Variants in LSR observed in about 807,000 individuals in gnomAD.
LSR encodes lipolysis-stimulated lipoprotein receptor.
In LSR, 44 loss-of-function variants were observed where a neutral mutation model predicts 61.8. The observed-to-expected ratio is 0.71, with a 90% CI of 0.56 to 0.91. The LOEUF is 0.91. LSR is among the 40% of genes least tolerant of loss of function. The pLI is 0.00. For missense variants in LSR, 911 were observed against 830.5 expected (o/e 1.10, Z -1.19); for synonymous variants, 397 against 350.6 (o/e 1.13, Z -1.48).
chr19:35,249,043 G>T lies in LSR; in HGVS notation c.21G>T (p.Gly7=). 6.3e-7 allele frequency: 1 copy of T among 1,590,678 alleles called. No individual in the cohort carries two copies. The highest frequency in any genetic ancestry group is 8.6e-7 in the Non-Finnish European group (1 of 1,169,368). Residue 7 remains glycine (G), a synonymous_variant, in exon 1 of 10, where the codon GGG becomes GGT. Transcript: ENST00000605618. ...CCGCGATGGCGCTGTTGGCCGGCGG[G>T]CTCTCCAGAGGGCTGGGCTCCCACC... MALLAG[G]LSRGLGSHPA...
intron 2 of LSR, 95 bp from the exon 3 acceptor site, chr19:35,258,850 C>A: frequency 6.6e-7 from 1 of 1,513,076 alleles, no homozygotes; most frequent in Non-Finnish European, 9.1e-7. Context: ...CACTGCTTGC[C>A]CCCTCCTGGG....
chr19:35,254,739 G>A (rs2065836389), intron 2 of LSR, among the ~76,000 whole-genome samples: 1 of 152,198 alleles, frequency 6.6e-6, no homozygotes, highest in Non-Finnish European at 1.5e-5. Context: ...AACAATGAAA[G>A]CAGTGCTCAG....
intron 2 of LSR, 109 bp downstream of exon 2, chr19:35,250,768 C>T: frequency 7.0e-6 from 5 of 718,238 alleles, no homozygotes; most frequent in Non-Finnish European, 6.5e-6. Flanking sequence ...GTGCCAGTGT[C>T]TGAAAGGACC....
intron 5 of LSR, 136 bp downstream of exon 5, chr19:35,262,828 C>A: frequency 2.0e-6 from 2 of 999,950 alleles, no homozygotes; most frequent in Non-Finnish European, 2.9e-6. Flanking sequence ...AGAAAGTAGG[C>A]TGAGGAGGGT....
rs375892450 is a variant in LSR, at chr19:35,266,901, A to G, written c.1078A>G (p.Met360Val). 4 of 1,613,690 alleles carry G rather than the reference A, an allele frequency of 2.5e-6. No homozygotes were observed. Among genetic ancestry groups the G allele is most frequent in the African/African-American group, 2.7e-5 (2 of 75,044 alleles). The change falls in exon 8 of 10, where the codon ATG (methionine) becomes GTG (valine). Residue 360 changes from methionine (M) to valine (V), a missense_variant. By Grantham distance (21) the Met-to-Val change is conservative. Coordinates refer to ENST00000605618, the MANE Select transcript of LSR (RefSeq NM_205834.4). Reference protein sequence around the residue: ...QDDSMRVLYYMEKELANFDPS... With the variant: ...QDDSMRVLYYVEKELANFDPS... Reference sequence around the variant, plus strand: ...CGACTCCATGCGGGTCCTGTACTACATGGAGAAGGAGCTGGCCAACTTCGA... The same window carrying G: ...CGACTCCATGCGGGTCCTGTACTACGTGGAGAAGGAGCTGGCCAACTTCGA...
chr19:35,256,983 C>G (rs1415349430), intron 2 of LSR, among the ~76,000 whole-genome samples: 1 of 151,992 alleles, frequency 6.6e-6, no homozygotes. Context: ...ACTACAGGTG[C>G]GTGCCACCAT....
At position 35,261,941 on chromosome 19, in the gene LSR, G is replaced by A. The variant is rs1435280333; in HGVS notation, c.591G>A (p.Val197=). 3 of 1,489,298 alleles carry A rather than the reference G, an allele frequency of 2.0e-6. No homozygotes were observed. In the African/African-American group the frequency reaches 4.4e-5, roughly 22 times the overall value. 92.3% of individuals were successfully genotyped at this position (1,489,298 alleles called of 1,614,324 possible). The change falls in exon 4 of 10, where the codon GTG becomes GTA. Residue 197 remains valine (V), a synonymous_variant. Transcript: ENST00000605618. ...ELIVLGRTSG[V]AELLPGFQAG... The stretch of plus-strand genomic sequence containing the variant: ...TCCCTCCAGGGAGGACCTCAGGGGT[G>A]GCTGAGCTCTTACCTGGTTTTCAGG...
rs66534837 is a variant in LSR at position 35,260,291 on chromosome 19, C to CTTTTTT, written c.574+1240_574+1245dup. ...TAGGAATTAAAATGGGGAGATTTTCCTTTTTTTTTTTTTTTTTTGAGATGG... is the reference window on the plus strand; with the variant it reads ...TAGGAATTAAAATGGGGAGATTTTCCTTTTTTTTTTTTTTTTTTTTTTTTGAGATGG... On this transcript the variant is annotated intron_variant, in intron 3 of 9. Coordinates refer to ENST00000605618, the MANE Select transcript of LSR (RefSeq NM_205834.4). 9.6e-5 allele frequency among the ~76,000 whole-genome samples: 11 copies of CTTTTTT among 114,002 alleles called. 1 individual carries two copies. Among genetic ancestry groups the CTTTTTT allele is most frequent in the African/African-American group, 1.3e-4 (4 of 29,988 alleles). 74.8% of individuals were successfully genotyped at this position (114,002 alleles called of 152,430 possible).
intron 2 of LSR, among the ~76,000 whole-genome samples, chr19:35,255,999 C>T (rs1191700083): frequency 6.6e-6 from 1 of 152,060 alleles, no homozygotes; most frequent in Non-Finnish European, 1.5e-5. Flanking sequence ...TTGGGAGGCC[C>T]AGGCGGGCAG....
intron 3 of LSR, among the ~76,000 whole-genome samples, chr19:35,260,939 A>C (rs2145524729): frequency 6.6e-6 from 1 of 152,354 alleles, no homozygotes; most frequent in Middle Eastern, 3.4e-3. Flanking sequence ...AGAACAAGTG[A>C]AAAAGGCAAA....
At chr19:35,256,721 TGAATGAATGAAA>T (rs780161812) in intron 2 of LSR, among the ~76,000 whole-genome samples, 338 of 126,272 alleles carry the variant, frequency 2.7e-3, no homozygotes, top group Non-Finnish European at 3.5e-3. Flanking sequence ...AATGAATGAA[TGAATGAATGAAA>T]GAAAGAAAGA....
chr19:35,254,931 G>C (rs2065839160), intron 2 of LSR, among the ~76,000 whole-genome samples: 1 of 152,314 alleles, frequency 6.6e-6, no homozygotes, highest in Middle Eastern at 3.4e-3. Context: ...CAAGATGCCA[G>C]ATTTCAACCC....
At chr19:35,262,113 T>G in intron 4 of LSR, 132 bp downstream of exon 4, 2 of 866,586 alleles carry the variant, frequency 2.3e-6, no homozygotes, top group South Asian at 3.5e-5. Flanking sequence ...CTGGCCTGAC[T>G]GTGGCTCTGA....
chr19:35,266,814 A>C (rs1028433558), intron 7 of LSR, 22 bp from the exon 8 acceptor site: 2 of 1,606,684 alleles, frequency 1.2e-6, no homozygotes, highest in Non-Finnish European at 1.7e-6. Context: ...TCCCAAACCG[A>C]CCACCACCCC....
At position 35,267,903 on chromosome 19, in the gene LSR, G is replaced by T; in HGVS notation, c.*44G>T. 1 of 1,599,342 alleles carries T rather than the reference G, an allele frequency of 6.3e-7. No individual in the cohort carries two copies. The highest frequency in any genetic ancestry group is 8.6e-7 in the Non-Finnish European group (1 of 1,167,958). Reference sequence around the variant, plus strand: ...GCTTTTGTATTTTTTTTTTTAATTTGAAGGAACACTGATGAAGCCCTGCCA... The same window carrying T: ...GCTTTTGTATTTTTTTTTTTAATTTTAAGGAACACTGATGAAGCCCTGCCA... On this transcript the variant is annotated 3_prime_UTR_variant, in exon 10 of 10. Transcript: ENST00000605618.
Position 35,262,647 on chromosome 19 carries a change from G to A in LSR, c.733G>A (p.Val245Ile), listed in dbSNP as rs540686530. 58 of 1,614,134 alleles carry A rather than the reference G, an allele frequency of 3.6e-5. No individual in the cohort carries two copies. Among genetic ancestry groups the A allele is most frequent in the Admixed American group, 2.3e-4 (14 of 60,020 alleles). The stretch of plus-strand genomic sequence containing the variant: ...CTGCCCGCACACTTGCTGCTGCTAC[G>A]TCAGGTGCCCCTGCTGCCCAGACAA... ...QCCPHTCCCY[V>I]RCPCCPDKCC... Residue 245 changes from valine to isoleucine, a missense_variant, in exon 5 of 10, where the codon GTC (valine) becomes ATC (isoleucine). Transcript: ENST00000605618.
At chr19:35,259,815 A>G (rs893878089) in intron 3 of LSR, among the ~76,000 whole-genome samples, 2 of 152,220 alleles carry the variant, frequency 1.3e-5, no homozygotes, top group African/African-American at 4.8e-5. Flanking sequence ...CATGGCACAC[A>G]CACTGTGTAA....
rs530109481 is a variant in LSR at position 35,253,935 on chromosome 19, A to G, written c.454+3276A>G. ...GGCCTCACAGGCCTGGGTCTTTCAA[A>G]CCACCCCCACCTGGGCCTGTGTTTG... On this transcript the variant is annotated intron_variant, in intron 2 of 9. Coordinates refer to ENST00000605618, the MANE Select transcript of LSR (RefSeq NM_205834.4). Among the ~76,000 whole-genome samples, 7 of 151,994 alleles carry G rather than the reference A, an allele frequency of 4.6e-5. No homozygotes were observed. In the South Asian group the frequency reaches 1.2e-3, roughly 27 times the overall value.
chr19:35,256,844 C>CT (rs979287485), intron 2 of LSR, among the ~76,000 whole-genome samples: 154 of 147,732 alleles, frequency 1.0e-3, no homozygotes, highest in African/African-American at 1.1e-3. Flanking sequence ...CCTTTTTTTT[C>CT]TTTTTTTTTT....
Sources: allele counts gnomAD v4.1 joint callset (sites outside exome capture counted in the v4.1 genomes callset), GRCh38; gene constraint gnomAD v4.1.1; transcripts MANE v1.5; gene names NCBI Gene and HGNC (gene_info 2026-07-23, HGNC 2026-07-21).